The following VWC2 variants were observed in gnomAD, a reference collection of about 807,000 sequenced individuals.
The protein encoded by VWC2 is brorin.
A neutral mutation model predicts 29.8 loss-of-function variants in VWC2; 14 were observed. That is an observed-to-expected ratio of 0.47 (90% CI 0.31 to 0.74). The LOEUF (loss-of-function observed/expected upper bound fraction) is 0.74. Among genes scored for constraint, VWC2 ranks in the 30% least tolerant of loss-of-function variants. VWC2 has a pLI of 0.05. For synonymous variants in VWC2, 213 were observed against 199.0 expected (o/e 1.07, Z -0.59); for missense variants, 457 against 459.8 (o/e 0.99, Z 0.05).
At chr7:49,812,052 T>G (rs1304762070) in intron 3 of VWC2, among the ~76,000 whole-genome samples, 3 of 152,228 alleles carry the variant, frequency 2.0e-5, no homozygotes, top group Non-Finnish European at 4.4e-5. Flanking sequence ...CAGAAGCTGT[T>G]GCAAAAGATT....
At chr7:49,862,795 AC>A (rs1790711067) in intron 3 of VWC2, among the ~76,000 whole-genome samples, 1 of 151,408 alleles carries the variant, frequency 6.6e-6, no homozygotes, top group Admixed American at 6.6e-5. Flanking sequence ...AGGTTGAATC[AC>A]CCTTACATTC....
chr7:49,775,795 G>T lies in VWC2; in HGVS notation c.360G>T (p.Ala120=). 6.5e-7 allele frequency: 1 copy of T among 1,532,984 alleles called. No homozygotes were observed. Among genetic ancestry groups the T allele is most frequent in the Non-Finnish European group, 8.8e-7 (1 of 1,140,026 alleles). The allele number at this position is 1,532,984 out of a possible 1,614,324, so 95.0% of individuals were successfully genotyped here. The change falls in exon 2 of 4, where the codon GCG becomes GCT. Residue 120 remains alanine (A), a synonymous_variant. Coordinates refer to ENST00000340652, the MANE Select transcript of VWC2 (RefSeq NM_198570.5). ...GGCCCCGCGGGGACACCCCGCAGGC[G>T]GAAGCCCTGGCCGCAGCCGCCCAGG... ...QVRPRGDTPQ[A]EALAAAAQDA...
intron 3 of VWC2, among the ~76,000 whole-genome samples, chr7:49,837,514 C>T (rs887064009): frequency 5.9e-5 from 9 of 152,148 alleles, no homozygotes; most frequent in African/African-American, 2.2e-4. Context: ...CTTGGAATCC[C>T]TGAAGGCCGG....
At chr7:49,887,020 C>T (rs1242647384) in intron 3 of VWC2, among the ~76,000 whole-genome samples, 2 of 151,758 alleles carry the variant, frequency 1.3e-5, no homozygotes, top group Non-Finnish European at 2.9e-5. Flanking sequence ...ATTTTAAGTA[C>T]TTTTTTGCAG....
intron 3 of VWC2, among the ~76,000 whole-genome samples, chr7:49,803,830 G>A (rs1220686306): frequency 6.6e-6 from 1 of 152,136 alleles, no homozygotes; most frequent in Non-Finnish European, 1.5e-5. Context: ...CGGGCCATGA[G>A]GTTCCATGGG....
chr7:49,918,901 A>C lies in VWC2; in HGVS notation c.*6716A>C, dbSNP rs1390697995. On this transcript the variant is annotated 3_prime_UTR_variant, in exon 4 of 4. Transcript: ENST00000340652. ...ATGTGAAACCCCATCTCTACTAAAAATACAAAAAAATTACCTGGGCATGGT... is the reference window on the plus strand; with the variant it reads ...ATGTGAAACCCCATCTCTACTAAAACTACAAAAAAATTACCTGGGCATGGT... 1 of 152,146 alleles carries C rather than the reference A, an allele frequency of 6.6e-6. No individual in the cohort carries two copies. The highest frequency in any genetic ancestry group is 2.4e-5 in the African/African-American group (1 of 41,412). 9.4% of individuals were successfully genotyped at this position (152,146 alleles called of 1,614,324 possible). A position where few individuals can be genotyped will look rare whatever the true frequency, so the allele number is the denominator to read the frequency against.
At chr7:49,872,626 C>T (rs993881063) in intron 3 of VWC2, among the ~76,000 whole-genome samples, 1 of 151,484 alleles carries the variant, frequency 6.6e-6, no homozygotes, top group Non-Finnish European at 1.5e-5. Context: ...GAATTTGGGG[C>T]TGGGCGCAGT....
At chr7:49,893,313 G>A (rs1016817306) in intron 3 of VWC2, among the ~76,000 whole-genome samples, 1 of 152,138 alleles carries the variant, frequency 6.6e-6, no homozygotes, top group African/African-American at 2.4e-5. Flanking sequence ...ACTACAAGAA[G>A]GGCTCCTATT....
intron 3 of VWC2, among the ~76,000 whole-genome samples, chr7:49,877,670 G>A (rs538712920): frequency 1.3e-5 from 2 of 148,964 alleles, no homozygotes; most frequent in South Asian, 2.2e-4. Flanking sequence ...GTGGTACCCC[G>A]AGAGTCATGA....
At chr7:49,872,102 A>G (rs541092471) in intron 3 of VWC2, among the ~76,000 whole-genome samples, 7 of 152,290 alleles carry the variant, frequency 4.6e-5, no homozygotes, top group Middle Eastern at 3.4e-3. Context: ...ATACTATGAA[A>G]CAGAAACCTG....
chr7:49,827,353 TC>T (rs555251501), intron 3 of VWC2, among the ~76,000 whole-genome samples: 17,065 of 152,050 alleles, frequency 0.11, 1,188 homozygotes, highest in Non-Finnish European at 0.16. Flanking sequence ...TGACATACTT[TC>T]AAATTTTTTT....
intron 3 of VWC2, among the ~76,000 whole-genome samples, chr7:49,903,701 T>C (rs1201018600): frequency 6.6e-6 from 1 of 152,152 alleles, no homozygotes; most frequent in Non-Finnish European, 1.5e-5. Context: ...TATATGCACA[T>C]ATTATTGAAG....
intron 3 of VWC2, among the ~76,000 whole-genome samples, chr7:49,911,081 C>T (rs10273558): frequency 6.6e-6 from 1 of 152,246 alleles, no homozygotes; most frequent in South Asian, 2.1e-4. Flanking sequence ...CTTTGAAGGT[C>T]TTAGTTATGC....
intron 2 of VWC2, among the ~76,000 whole-genome samples, chr7:49,792,936 T>A (rs1788498082): frequency 6.6e-6 from 1 of 152,204 alleles, no homozygotes; most frequent in African/African-American, 2.4e-5. Flanking sequence ...GTTTCCCACG[T>A]CTCATGGCCT....
At position 49,872,915 on chromosome 7, in the gene VWC2, CAA is replaced by C. The variant is rs61473396; in HGVS notation, c.827-39098_827-39097del. On this transcript the variant is annotated intron_variant, in intron 3 of 3. Transcript: ENST00000340652. Reference sequence around the variant, plus strand: ...TGGGAGACAGAGCAAGACTTTGTCTCAAAAAAAAAAAAAAAAAAAAAAGAAAG... The same window carrying C: ...TGGGAGACAGAGCAAGACTTTGTCTCAAAAAAAAAAAAAAAAAAAAGAAAG... Among the ~76,000 whole-genome samples, 147 of 33,954 alleles carry C rather than the reference CAA, an allele frequency of 4.3e-3. 1 individual carries two copies. The highest frequency in any genetic ancestry group is 0.013 in the African/African-American group (124 of 9,730). 22.3% of individuals were successfully genotyped at this position (33,954 alleles called of 152,430 possible).
At chr7:49,911,571 G>A (rs796595282) in intron 3 of VWC2, among the ~76,000 whole-genome samples, 1 of 150,372 alleles carries the variant, frequency 6.7e-6, no homozygotes, top group Non-Finnish European at 1.5e-5. Flanking sequence ...TTATAACTTT[G>A]CCACTGTCCT....
chr7:49,823,409 G>A (rs1000808423), intron 3 of VWC2, among the ~76,000 whole-genome samples: 6 of 152,216 alleles, frequency 3.9e-5, no homozygotes, highest in African/African-American at 1.4e-4. Context: ...GGACTCTGCA[G>A]AGAAAGGCTT....
chr7:49,889,395 T>G (rs1792034160), intron 3 of VWC2, among the ~76,000 whole-genome samples: 1 of 152,226 alleles, frequency 6.6e-6, no homozygotes, highest in Admixed American at 6.5e-5. Context: ...GCAACATTAG[T>G]GCTTTCCCAC....
chr7:49,861,355 T>C (rs976438817), intron 3 of VWC2, among the ~76,000 whole-genome samples: 2 of 152,236 alleles, frequency 1.3e-5, no homozygotes, highest in Non-Finnish European at 1.5e-5. Context: ...CTTTTTGTTG[T>C]TGAGGTTTAA....
Sources: gnomAD v4.1 joint callset for allele counts (sites outside exome capture counted in the v4.1 genomes callset) on GRCh38, gnomAD v4.1.1 for gene constraint, MANE v1.5 for transcripts, NCBI Gene and HGNC (gene_info 2026-07-23, HGNC 2026-07-21) for gene names.